The following MAP2K3 variants were observed in gnomAD, a reference collection of about 807,000 sequenced individuals.
The protein encoded by MAP2K3 is dual specificity mitogen-activated protein kinase kinase 3.
In MAP2K3, 30 loss-of-function variants were observed where a neutral mutation model predicts 46.4. That is an observed-to-expected ratio of 0.65 (90% confidence interval 0.48 to 0.88). The LOEUF (loss-of-function observed/expected upper bound fraction) is 0.88. Among genes scored for constraint, MAP2K3 ranks in the 40% least tolerant of loss-of-function variants. The pLI is 0.00. For missense variants in MAP2K3, 380 were observed against 464.5 expected (o/e 0.82, Z 1.67); for synonymous variants, 189 against 176.3 (o/e 1.07, Z -0.57).
chr17:21,300,101 C>T (rs1370055266), intron 3 of MAP2K3, among the ~76,000 whole-genome samples: 1 of 152,310 alleles, frequency 6.6e-6, no homozygotes, highest in South Asian at 2.1e-4. Flanking sequence ...CTTTTTGTGT[C>T]CCTCCCAAGA....
chr17:21,311,376 CATG>C (rs1977152372), intron 9 of MAP2K3, among the ~76,000 whole-genome samples: 1 of 151,994 alleles, frequency 6.6e-6, no homozygotes, highest in African/African-American at 2.4e-5. Flanking sequence ...CCGTCCCTTC[CATG>C]ATGACTTCCT....
At chr17:21,305,756 A>G (rs1976862229) in intron 9 of MAP2K3, among the ~76,000 whole-genome samples, 1 of 152,304 alleles carries the variant, frequency 6.6e-6, no homozygotes, top group African/African-American at 2.4e-5. Flanking sequence ...TGGACAGTGG[A>G]TTGGAGGGAT....
At chr17:21,296,173 C>T (rs541689305) in intron 1 of MAP2K3, 58 of 1,289,488 alleles carry the variant, frequency 4.5e-5, no homozygotes, top group Middle Eastern at 2.1e-4. Flanking sequence ...ACCTTGCAGA[C>T]GTGATCTTGC....
At chr17:21,305,481 T>C (rs1367949898) in intron 9 of MAP2K3, among the ~76,000 whole-genome samples, 1 of 152,306 alleles carries the variant, frequency 6.6e-6, no homozygotes, top group East Asian at 1.9e-4. Context: ...TCAAAAATAT[T>C]TCATAGCAGA....
chr17:21,289,875 C>T (rs1038217093), intron 1 of MAP2K3, among the ~76,000 whole-genome samples: 1 of 152,242 alleles, frequency 6.6e-6, no homozygotes, highest in Non-Finnish European at 1.5e-5. Flanking sequence ...TCCAGGGCCA[C>T]CTTCCCTGGT....
intron 1 of MAP2K3, among the ~76,000 whole-genome samples, chr17:21,293,966 G>A (rs1976093107): frequency 6.6e-6 from 1 of 152,306 alleles, no homozygotes; most frequent in Non-Finnish European, 1.5e-5. Flanking sequence ...ACAGGTGCTT[G>A]GCAGTGGCGT....
intron 8 of MAP2K3, 27 bp from the exon 9 acceptor site, chr17:21,305,024 T>C (rs1162832402): frequency 3.1e-6 from 5 of 1,614,298 alleles, no homozygotes; most frequent in Non-Finnish European, 4.2e-6. Context: ...GGGGCGGGTG[T>C]TCACGCCTCA....
intron 9 of MAP2K3, among the ~76,000 whole-genome samples, chr17:21,307,746 C>T (rs1225245203): frequency 8.2e-5 from 12 of 146,628 alleles, no homozygotes; most frequent in Non-Finnish European, 1.5e-4. Context: ...GGGACGATCT[C>T]GGCTTACTGC....
chr17:21,300,670 C>T lies in MAP2K3; in HGVS notation c.279+12C>T. On this transcript the variant is annotated intron_variant, in intron 4 of 11. Coordinates refer to ENST00000342679, the MANE Select transcript of MAP2K3 (RefSeq NM_145109.3). ...TCATGGCCGTGAAGGTGAGCAGGGC[C>T]TGGAGGCAGCTGGGAGGGCTCCCTG... The T allele has an allele frequency of 6.2e-7, 1 of 1,603,674 alleles. No individual in the cohort carries two copies.
At chr17:21,292,581 T>C (rs1308603071) in intron 1 of MAP2K3, among the ~76,000 whole-genome samples, 1 of 152,310 alleles carries the variant, frequency 6.6e-6, no homozygotes, top group East Asian at 1.9e-4. Flanking sequence ...CCCAGGCTAG[T>C]ATTGAACTCC....
chr17:21,304,718 C>T (rs1567672021), intron 8 of MAP2K3, among the ~76,000 whole-genome samples, 165 bp downstream of exon 8: 2 of 152,312 alleles, frequency 1.3e-5, no homozygotes, highest in Non-Finnish European at 2.9e-5. Flanking sequence ...CAGGGGCAGC[C>T]CTTCTGTACC....
intron 8 of MAP2K3, 85 bp downstream of exon 8, chr17:21,304,638 C>G: frequency 6.3e-7 from 1 of 1,582,966 alleles, no homozygotes; most frequent in Admixed American, 1.8e-5. Context: ...GCCATACCCT[C>G]TGTCCGTAGG....
At chr17:21,296,332 C>A in intron 1 of MAP2K3, 1 of 578,124 alleles carries the variant, frequency 1.7e-6, no homozygotes, top group Non-Finnish European at 2.7e-6. Flanking sequence ...AGCCCAGAGC[C>A]TCAGAAGTTC....
chr17:21,294,858 A>C (rs1976151024), intron 1 of MAP2K3, among the ~76,000 whole-genome samples: 1 of 152,312 alleles, frequency 6.6e-6, no homozygotes, highest in African/African-American at 2.4e-5. Flanking sequence ...AGGTGAAGCC[A>C]CTTGCCTGAG....
At position 21,298,417 on chromosome 17, in the gene MAP2K3, A is replaced by G; in HGVS notation, c.54A>G (p.Lys18=). The G allele has an allele frequency of 6.2e-7, 1 of 1,614,310 alleles. No homozygotes were observed. The highest frequency in any genetic ancestry group is 8.5e-7 in the Non-Finnish European group (1 of 1,180,058). Reference sequence around the variant, plus strand: ...CTCACCTTCTCTCCATTCTAGGAAAATCCAAGAGGAAGAAGGATCTACGGA... The same window carrying G: ...CTCACCTTCTCTCCATTCTAGGAAAGTCCAAGAGGAAGAAGGATCTACGGA... ...QPASMPQSKG[K]SKRKKDLRIS... Residue 18 remains lysine (K), a synonymous_variant, in exon 2 of 12, where the codon AAA becomes AAG. Coordinates refer to ENST00000342679, the MANE Select transcript of MAP2K3 (RefSeq NM_145109.3).
intron 5 of MAP2K3, among the ~76,000 whole-genome samples, 153 bp from the exon 6 acceptor site, chr17:21,301,990 G>A (rs1214450779): frequency 6.6e-6 from 1 of 152,306 alleles, no homozygotes; most frequent in Admixed American, 6.5e-5. Context: ...CGGGCAAGTG[G>A]GTGGTGGGTG....
intron 1 of MAP2K3, among the ~76,000 whole-genome samples, chr17:21,293,678 G>A (rs1007114835): frequency 1.8e-4 from 28 of 152,244 alleles, no homozygotes; most frequent in Admixed American, 6.5e-4. Context: ...TTGCACAGCC[G>A]GGCAGAGGCA....
intron 10 of MAP2K3, 28 bp downstream of exon 10, chr17:21,312,309 G>C: frequency 1.3e-6 from 2 of 1,562,920 alleles, no homozygotes; most frequent in Non-Finnish European, 1.7e-6. Flanking sequence ...CTGAGCGCCT[G>C]CCACTGCCCC....
At chr17:21,288,766 C>A (rs776812924) in intron 1 of MAP2K3, among the ~76,000 whole-genome samples, 1 of 152,236 alleles carries the variant, frequency 6.6e-6, no homozygotes, top group Non-Finnish European at 1.5e-5. Context: ...AGGCACAAGT[C>A]ATAGTGAGAC....
Sources: gnomAD v4.1 joint callset for allele counts (sites outside exome capture counted in the v4.1 genomes callset) on GRCh38, gnomAD v4.1.1 for gene constraint, MANE v1.5 for transcripts, NCBI Gene and HGNC (gene_info 2026-07-23, HGNC 2026-07-21) for gene names.